Variants in WDFY2 observed in about 807,000 individuals in gnomAD.
The protein encoded by WDFY2 is WD repeat and FYVE domain-containing protein 2.
WDFY2 carries 36 observed loss-of-function variants against 56.4 expected under a neutral mutation model. The ratio of observed to expected loss-of-function variants is 0.64; its 90% CI spans 0.49 to 0.84. The LOEUF (loss-of-function observed/expected upper bound fraction) is 0.84, where lower values mean the gene tolerates loss of function less well. Among genes scored for constraint, WDFY2 ranks in the 40% least tolerant of loss-of-function variants. The pLI is 0.00. For missense variants in WDFY2, 444 were observed against 512.2 expected (o/e 0.87, Z 1.29); for synonymous variants, 176 against 183.7 (o/e 0.96, Z 0.34).
intron 3 of WDFY2, among the ~76,000 whole-genome samples, chr13:51,700,005 T>C (rs562712698): frequency 7.2e-5 from 11 of 152,344 alleles, no homozygotes; most frequent in Non-Finnish European, 1.3e-4. Flanking sequence ...AAGTTAGAAC[T>C]ACGTGCTTCT....
At position 51,584,778 on chromosome 13, in the gene WDFY2, G is replaced by C; in HGVS notation, c.91G>C (p.Val31Leu). 1 of 1,613,950 alleles carries C rather than the reference G, an allele frequency of 6.2e-7. No individual in the cohort carries two copies. The highest frequency in any genetic ancestry group is 8.5e-7 in the Non-Finnish European group (1 of 1,179,832). The stretch of plus-strand genomic sequence containing the variant: ...GTCCCAGGAGGTGGTGAATATGGCC[G>C]TGATCGTGCCCAAAGAGGAGGGCGT... ...EGSQEVVNMA[V>L]IVPKEEGVIS... The change falls in exon 1 of 12, where the codon GTG becomes CTG. Residue 31 changes from valine to leucine, a missense_variant. By Grantham distance (32) the Val-to-Leu change is conservative. Transcript: ENST00000298125.
intron 1 of WDFY2, among the ~76,000 whole-genome samples, chr13:51,647,005 C>T (rs1449884793): frequency 6.6e-6 from 1 of 152,096 alleles, no homozygotes; most frequent in Non-Finnish European, 1.5e-5. Context: ...TTTATTATTT[C>T]CTGAACAATA....
chr13:51,694,980 C>T (rs1290295811), intron 3 of WDFY2, among the ~76,000 whole-genome samples: 2 of 152,194 alleles, frequency 1.3e-5, no homozygotes, highest in African/African-American at 2.4e-5. Flanking sequence ...GCATCGGCTC[C>T]TGAGGCTTCT....
intron 5 of WDFY2, among the ~76,000 whole-genome samples, chr13:51,725,642 A>G (rs1040952050): frequency 4.6e-5 from 7 of 151,588 alleles, no homozygotes; most frequent in African/African-American, 1.7e-4. Flanking sequence ...TGAGATATAT[A>G]TGTGTATGTA....
At chr13:51,671,776 CTTTTTTTT>C (rs564584742) in intron 2 of WDFY2, among the ~76,000 whole-genome samples, 13 of 61,998 alleles carry the variant, frequency 2.1e-4, no homozygotes, top group East Asian at 4.9e-4. Flanking sequence ...GTTGCATTTG[CTTTTTTTT>C]TTTTTTTTTT....
intron 7 of WDFY2, among the ~76,000 whole-genome samples, chr13:51,745,739 A>T (rs970070407): frequency 1.0e-4 from 4 of 39,140 alleles, no homozygotes; most frequent in East Asian, 7.2e-4. Context: ...TCCTTCATTT[A>T]AAAAAAAAAA....
intron 1 of WDFY2, among the ~76,000 whole-genome samples, chr13:51,646,205 C>G (rs556380695): frequency 6.6e-6 from 1 of 152,230 alleles, no homozygotes; most frequent in African/African-American, 2.4e-5. Flanking sequence ...AGCTCCTCAT[C>G]CTCAGCATCG....
intron 2 of WDFY2, among the ~76,000 whole-genome samples, chr13:51,674,475 C>T (rs189103888): frequency 3.5e-4 from 53 of 152,192 alleles, no homozygotes; most frequent in African/African-American, 1.3e-3. Flanking sequence ...GTACTCAGGC[C>T]GTCAGTCCTG....
chr13:51,738,242 A>C (rs1952885929), intron 6 of WDFY2, among the ~76,000 whole-genome samples: 1 of 152,200 alleles, frequency 6.6e-6, no homozygotes, highest in Non-Finnish European at 1.5e-5. Context: ...AGTGGAAAAA[A>C]TTCTTATTGT....
chr13:51,727,740 A>G lies in WDFY2; in HGVS notation c.548A>G (p.Lys183Arg). 1.2e-6 allele frequency: 2 copies of G among 1,614,174 alleles called. No homozygotes were observed. The highest frequency in any genetic ancestry group is 1.7e-6 in the Non-Finnish European group (2 of 1,180,030). Residue 183 changes from lysine to arginine, a missense_variant, in exon 6 of 12, where the codon AAA (lysine) becomes AGA (arginine). By Grantham distance (26) the Lys-to-Arg change is conservative. Coordinates refer to ENST00000298125, the MANE Select transcript of WDFY2 (RefSeq NM_052950.4). ...GDHSGQVTILKLEQENCTLVT... is the reference protein window; with the variant it reads ...GDHSGQVTILRLEQENCTLVT... ...CACTCAGGCCAAGTAACAATCCTCA[A>G]ACTGGAGCAAGAAAACTGCACCCTG...
intron 1 of WDFY2, among the ~76,000 whole-genome samples, chr13:51,633,564 T>A (rs991237111): frequency 3.3e-5 from 5 of 152,206 alleles, no homozygotes; most frequent in Non-Finnish European, 7.3e-5. Flanking sequence ...CACTCTGCTG[T>A]TTGCTAAATT....
chr13:51,694,953 C>G (rs2138559006), intron 3 of WDFY2, among the ~76,000 whole-genome samples: 1 of 152,328 alleles, frequency 6.6e-6, no homozygotes, highest in East Asian at 1.9e-4. Flanking sequence ...CACTGATACC[C>G]TTTCTTCCAG....
intron 4 of WDFY2, among the ~76,000 whole-genome samples, chr13:51,718,533 A>G (rs1008944309): frequency 4.7e-5 from 7 of 150,134 alleles, no homozygotes; most frequent in Middle Eastern, 6.8e-3. Context: ...TAACAACTCT[A>G]GGAAATTTGC....
chr13:51,667,719 GA>G (rs1388898645), intron 2 of WDFY2, among the ~76,000 whole-genome samples: 1 of 151,998 alleles, frequency 6.6e-6, no homozygotes, highest in African/African-American at 2.4e-5. Flanking sequence ...TCCTGGTTGT[GA>G]AATGTATTGA....
At chr13:51,692,888 T>C (rs1951775061) in intron 3 of WDFY2, among the ~76,000 whole-genome samples, 1 of 152,148 alleles carries the variant, frequency 6.6e-6, no homozygotes, top group Admixed American at 6.5e-5. Flanking sequence ...TATTGGTCTA[T>C]TCAGAGATTC....
intron 3 of WDFY2, among the ~76,000 whole-genome samples, chr13:51,694,974 C>A (rs538609051): frequency 6.6e-6 from 1 of 152,192 alleles, no homozygotes; most frequent in Non-Finnish European, 1.5e-5. Context: ...TTGATCGCAT[C>A]GGCTCCTGAG....
At chr13:51,643,695 T>A (rs1955216789) in intron 1 of WDFY2, among the ~76,000 whole-genome samples, 1 of 152,160 alleles carries the variant, frequency 6.6e-6, no homozygotes, top group Non-Finnish European at 1.5e-5. Context: ...GCCTCCATGA[T>A]CTTCTGGTGC....
chr13:51,741,904 A>G (rs1255194390), intron 7 of WDFY2, among the ~76,000 whole-genome samples: 2 of 152,202 alleles, frequency 1.3e-5, no homozygotes, highest in Non-Finnish European at 2.9e-5. Flanking sequence ...TAAAATGAGC[A>G]TTTATTGACT....
intron 1 of WDFY2, among the ~76,000 whole-genome samples, chr13:51,614,234 G>A (rs1954564541): frequency 6.6e-6 from 1 of 150,762 alleles, no homozygotes; most frequent in Non-Finnish European, 1.5e-5. Flanking sequence ...TAGAGAACTT[G>A]CCTTTCAAAC....
Sources: gnomAD v4.1 joint callset for allele counts (sites outside exome capture counted in the v4.1 genomes callset) on GRCh38, gnomAD v4.1.1 for gene constraint, MANE v1.5 for transcripts, NCBI Gene and HGNC (gene_info 2026-07-23, HGNC 2026-07-21) for gene names.